THRB: variants seen among roughly 807,000 people sequenced by gnomAD.
THRB encodes thyroid hormone receptor beta.
THRB carries 12 observed loss-of-function variants against 47.8 expected under a neutral mutation model. The ratio of observed to expected loss-of-function variants is 0.25; its 90% confidence interval spans 0.16 to 0.41. THRB has a LOEUF of 0.41. THRB is among the 10% of genes least tolerant of loss of function. The pLI, the probability that THRB is intolerant of heterozygous loss-of-function variation, is 1.00. For synonymous variants in THRB, 218 were observed against 212.2 expected (o/e 1.03, Z -0.24); for missense variants, 348 against 589.2 (o/e 0.59, Z 4.24).
chr3:24,309,925 A>G (rs1251652079), intron 2 of THRB, among the ~76,000 whole-genome samples: 1 of 152,218 alleles, frequency 6.6e-6, no homozygotes, highest in Non-Finnish European at 1.5e-5. Flanking sequence ...AAAAGGGGTA[A>G]GTGAACAAAC....
At chr3:24,310,680 A>T (rs747618347) in intron 2 of THRB, among the ~76,000 whole-genome samples, 2 of 152,096 alleles carry the variant, frequency 1.3e-5, no homozygotes, top group Non-Finnish European at 2.9e-5. Context: ...GGGAAATTTC[A>T]TCTCTCAGTA....
chr3:24,266,020 T>A (rs1486672472), intron 3 of THRB, among the ~76,000 whole-genome samples: 1 of 152,218 alleles, frequency 6.6e-6, no homozygotes, highest in African/African-American at 2.4e-5. Context: ...TATTTCACAG[T>A]CATAATAATG....
In THRB at chr3:24,391,770, C is replaced by T. The variant is rs182642029; in HGVS notation, c.-260-54399G>A. ...TCTCCTTTTCCCCCAAATACAACTG[C>T]CCCATCATTGTCATCATCATCACCA... On this transcript the variant is annotated intron_variant, in intron 1 of 10. Coordinates refer to ENST00000646209, the MANE Select transcript of THRB (RefSeq NM_001354712.2). Among the ~76,000 whole-genome samples the T allele has an allele frequency of 2.0e-3, 298 of 152,254 alleles. 1 individual carries two copies. The highest frequency in any genetic ancestry group is 6.9e-3 in the African/African-American group (288 of 41,554).
At chr3:24,429,757 C>T (rs2070174501) in intron 1 of THRB, among the ~76,000 whole-genome samples, 1 of 152,022 alleles carries the variant, frequency 6.6e-6, no homozygotes, top group Non-Finnish European at 1.5e-5. Flanking sequence ...GATCCTCCTG[C>T]CTCGGCCTTC....
intron 5 of THRB, among the ~76,000 whole-genome samples, chr3:24,175,888 A>T (rs74334288): frequency 6.4e-3 from 970 of 152,280 alleles, no homozygotes; most frequent in South Asian, 0.059. Flanking sequence ...TACTGTACAT[A>T]ATTACAAAGG....
chr3:24,301,299 A>C (rs2056923323), intron 2 of THRB, among the ~76,000 whole-genome samples: 1 of 152,186 alleles, frequency 6.6e-6, no homozygotes, highest in Non-Finnish European at 1.5e-5. Flanking sequence ...AAATATACTC[A>C]TTGTTACCAT....
intron 3 of THRB, among the ~76,000 whole-genome samples, chr3:24,284,449 T>A (rs1231309977): frequency 3.3e-5 from 5 of 151,544 alleles, no homozygotes; most frequent in African/African-American, 1.2e-4. Context: ...ATTAAAGATT[T>A]AAACGTTAGA....
chr3:24,385,872 C>G (rs1444074704), intron 1 of THRB, among the ~76,000 whole-genome samples: 1 of 152,132 alleles, frequency 6.6e-6, no homozygotes, highest in Non-Finnish European at 1.5e-5. Flanking sequence ...TCTTAAATAT[C>G]AACTCCTACC....
chr3:24,198,565 T>C (rs74594715), intron 4 of THRB, among the ~76,000 whole-genome samples: 2,890 of 150,516 alleles, frequency 0.019, 85 homozygotes, highest in East Asian at 0.06. Context: ...CCCCTTTCTC[T>C]CAATTTACAC....
At chr3:24,258,549 T>G (rs2150452874) in intron 3 of THRB, among the ~76,000 whole-genome samples, 1 of 152,274 alleles carries the variant, frequency 6.6e-6, no homozygotes, top group East Asian at 1.9e-4. Flanking sequence ...TATGATAGCT[T>G]TGTTCCCCAG....
At position 24,127,095 on chromosome 3, in the gene THRB, T is replaced by A. The variant is rs1469702266; in HGVS notation, c.1144+404A>T. On this transcript the variant is annotated intron_variant, in intron 10 of 10. Transcript: ENST00000646209. ...TAAAACTTCAGTTGTAGCTAAGCCA[T>A]GAACAAATTCTAGCCTGCATCCGCG... Among the ~76,000 whole-genome samples, 4 of 152,208 alleles carry A rather than the reference T, an allele frequency of 2.6e-5. 1 individual carries two copies. The highest frequency in any genetic ancestry group is 5.9e-5 in the Non-Finnish European group (4 of 68,028).
chr3:24,411,968 T>C (rs568835248), intron 1 of THRB, among the ~76,000 whole-genome samples: 232 of 151,884 alleles, frequency 1.5e-3, no homozygotes, highest in Middle Eastern at 0.01. Context: ...TTGTGTCAAA[T>C]CAAGTTTTCA....
At chr3:24,273,129 A>AACACAC (rs146281602) in intron 3 of THRB, among the ~76,000 whole-genome samples, 4 of 150,710 alleles carry the variant, frequency 2.7e-5, no homozygotes, top group Admixed American at 1.3e-4. Flanking sequence ...CTATGAATTA[A>AACACAC]ACACACACAC....
At chr3:24,488,682 C>T (rs962783030) in intron 1 of THRB, among the ~76,000 whole-genome samples, 1 of 151,732 alleles carries the variant, frequency 6.6e-6, no homozygotes, top group Non-Finnish European at 1.5e-5. Context: ...CTATTCAATA[C>T]AATTCAATAT....
intron 3 of THRB, among the ~76,000 whole-genome samples, chr3:24,259,302 G>A (rs895748002): frequency 2.0e-5 from 3 of 152,092 alleles, no homozygotes; most frequent in Admixed American, 1.3e-4. Context: ...TCTAAACAGG[G>A]ACAAGTTACA....
Position 24,164,247 on chromosome 3 carries a change from T to C in THRB, c.284-11757A>G, listed in dbSNP as rs1203573826. On this transcript the variant is annotated intron_variant, in intron 5 of 10. Transcript: ENST00000646209. ...TTCAGTAATACAAGAAATGTTCTAT[T>C]GACAGAAATTTAAATAGCATTATAA... 2.0e-5 allele frequency among the ~76,000 whole-genome samples: 3 copies of C among 152,320 alleles called. No individual in the cohort carries two copies. The East Asian group carries it at 5.8e-4, about 29-fold the overall frequency.
chr3:24,215,410 C>T (rs116378397), intron 4 of THRB, among the ~76,000 whole-genome samples: 2,473 of 152,292 alleles, frequency 0.016, 42 homozygotes, highest in Non-Finnish European at 0.023. Context: ...GGACACATGA[C>T]GCCAAAGTCT....
chr3:24,438,846 A>G (rs1244620978), intron 1 of THRB, among the ~76,000 whole-genome samples: 1 of 152,180 alleles, frequency 6.6e-6, no homozygotes, highest in East Asian at 1.9e-4. Context: ...AAGGACAGAG[A>G]TCAGAAGTCC....
intron 4 of THRB, among the ~76,000 whole-genome samples, chr3:24,225,385 G>A (rs1198450647): frequency 6.6e-6 from 1 of 152,154 alleles, no homozygotes; most frequent in East Asian, 1.9e-4. Flanking sequence ...AAACAAGCAA[G>A]TCACAAAGAA....
Sources: allele counts gnomAD v4.1 joint callset (sites outside exome capture counted in the v4.1 genomes callset), GRCh38; gene constraint gnomAD v4.1.1; transcripts MANE v1.5; gene names NCBI Gene and HGNC (gene_info 2026-07-23, HGNC 2026-07-21).